The following DENND2A variants were observed in gnomAD, a reference collection of about 807,000 sequenced individuals.
The protein encoded by DENND2A is DENN domain-containing protein 2A.
A neutral mutation model predicts 105.3 loss-of-function variants in DENND2A; 53 were observed. The ratio of observed to expected loss-of-function variants is 0.50; its 90% CI spans 0.40 to 0.63. The LOEUF is 0.63. Among genes scored for constraint, DENND2A ranks in the 30% least tolerant of loss-of-function variants. DENND2A has a pLI of 0.00. For synonymous variants in DENND2A, 522 were observed against 508.4 expected (o/e 1.03, Z -0.36); for missense variants, 1,138 against 1,279.6 (o/e 0.89, Z 1.69).
chr7:140,625,472 G>C (rs1800485742), intron 1 of DENND2A, among the ~76,000 whole-genome samples: 3 of 152,130 alleles, frequency 2.0e-5, no homozygotes, highest in African/African-American at 7.2e-5. Context: ...TTGAGGTCAG[G>C]AGTTTGAGAC....
rs557268334 is a variant in DENND2A, at chr7:140,527,810, TTTATTTA to T, written c.2328-322_2328-316del. 3.4e-3 allele frequency among the ~76,000 whole-genome samples: 478 copies of T among 142,016 alleles called. 4 individuals are homozygous for T. Among genetic ancestry groups the T allele is most frequent in the African/African-American group, 0.014 (446 of 32,618 alleles). 93.2% of individuals were successfully genotyped at this position (142,016 alleles called of 152,430 possible). On this transcript the variant is annotated intron_variant, in intron 14 of 19. Coordinates refer to ENST00000496613, the MANE Select transcript of DENND2A (RefSeq NM_015689.5). The surrounding 1 kb of genome is among the most constrained non-coding windows in gnomAD (Gnocchi z 4.9). The stretch of plus-strand genomic sequence containing the variant: ...TTGTGATCTATACTCTTGTAAGGTT[TTTATTTA>T]TTATTTATTTATTTATTTATATTTT...
intron 9 of DENND2A, among the ~76,000 whole-genome samples, chr7:140,565,867 G>C (rs1421596272): frequency 1.3e-5 from 2 of 152,130 alleles, no homozygotes; most frequent in Non-Finnish European, 2.9e-5. Flanking sequence ...GGTGATGAGA[G>C]TGACCTCTGG....
At chr7:140,583,183 G>A (rs1317346415) in intron 5 of DENND2A, among the ~76,000 whole-genome samples, 1 of 151,854 alleles carries the variant, frequency 6.6e-6, no homozygotes, top group Non-Finnish European at 1.5e-5. Flanking sequence ...TACTCGGGAG[G>A]CTGTAGTCCC....
intron 11 of DENND2A, among the ~76,000 whole-genome samples, chr7:140,556,889 T>A (rs546271863): frequency 6.6e-6 from 1 of 152,264 alleles, no homozygotes; most frequent in Non-Finnish European, 1.5e-5. Flanking sequence ...AAATGACAAT[T>A]CTAAAATGCT....
intron 3 of DENND2A, among the ~76,000 whole-genome samples, chr7:140,593,190 C>T (rs1318727053): frequency 1.3e-5 from 2 of 152,218 alleles, no homozygotes; most frequent in Non-Finnish European, 2.9e-5. Context: ...ATTCATTCCA[C>T]ATCCCGCCTG....
Position 140,602,429 on chromosome 7 carries a change from TC to T in DENND2A, c.-33del. 1 of 1,514,536 alleles carries T rather than the reference TC, an allele frequency of 6.6e-7. No homozygotes were observed. 93.8% of individuals were successfully genotyped at this position (1,514,536 alleles called of 1,614,324 possible). A position where few individuals can be genotyped will look rare whatever the true frequency, so the allele number is the denominator to read the frequency against. On this transcript the variant is annotated 5_prime_UTR_variant, in exon 3 of 20. Transcript: ENST00000496613. ...CTCTAGCGTGAGGTTGTGGAGGCCT[TC>T]CAGGGGACTCCTTCTGAAGCCTGAC...
chr7:140,531,955 A>G (rs1000659519), intron 14 of DENND2A, among the ~76,000 whole-genome samples: 2 of 151,408 alleles, frequency 1.3e-5, no homozygotes, highest in African/African-American at 4.9e-5. Flanking sequence ...GAAGCCAGTG[A>G]TTTGGACTAG....
At chr7:140,592,108 C>T (rs1473784338) in intron 3 of DENND2A, among the ~76,000 whole-genome samples, 23 of 146,470 alleles carry the variant, frequency 1.6e-4, no homozygotes, top group African/African-American at 5.1e-4. Flanking sequence ...GGTGCAATCT[C>T]GGCTCGCTGC....
intron 5 of DENND2A, among the ~76,000 whole-genome samples, chr7:140,584,421 G>A (rs892369742): frequency 1.3e-5 from 2 of 152,120 alleles, no homozygotes; most frequent in Non-Finnish European, 2.9e-5. Flanking sequence ...GAGAGAGTGC[G>A]CATGTCCCAG....
In DENND2A at chr7:140,559,832, G is replaced by T. The variant is rs745393828; in HGVS notation, c.1780-15C>A. 14 of 1,592,870 alleles carry T rather than the reference G, an allele frequency of 8.8e-6. No individual in the cohort carries two copies. Among genetic ancestry groups the T allele is most frequent in the African/African-American group, 1.3e-5 (1 of 74,498 alleles). On this transcript the variant is annotated splice_polypyrimidine_tract_variant and intron_variant, in intron 9 of 19. Transcript: ENST00000496613. The surrounding 1 kb of genome is among the most constrained non-coding windows in gnomAD (Gnocchi z 4.1). ...GACCTTTCCAACTGCAGGGAGAAAG[G>T]TGAGAGAAAATTCGAGAACAAATCT...
chr7:140,567,698 T>C (rs565498740), intron 8 of DENND2A, among the ~76,000 whole-genome samples: 30 of 152,260 alleles, frequency 2.0e-4, no homozygotes, highest in African/African-American at 7.0e-4. Context: ...GTTGGTGTGA[T>C]GTGACAGAAT....
intron 1 of DENND2A, among the ~76,000 whole-genome samples, chr7:140,624,850 T>C (rs1800450204): frequency 6.9e-6 from 1 of 145,606 alleles, no homozygotes; most frequent in Admixed American, 6.7e-5. Context: ...TTTTTCTTTG[T>C]TTTTTTTGTT....
At chr7:140,587,975 A>T (rs544048205) in intron 3 of DENND2A, among the ~76,000 whole-genome samples, 195 bp from the exon 4 acceptor site, 7 of 152,320 alleles carry the variant, frequency 4.6e-5, no homozygotes, top group African/African-American at 1.7e-4. Flanking sequence ...CAGCGGCGCC[A>T]TCTTGGCTCA....
intron 10 of DENND2A, among the ~76,000 whole-genome samples, chr7:140,558,692 T>C (rs562398404): frequency 2.6e-5 from 3 of 116,792 alleles, no homozygotes; most frequent in African/African-American, 1.0e-4. Flanking sequence ...CGAGACTCTA[T>C]CTCAAAAAAA....
chr7:140,538,281 T>C (rs10275801), intron 14 of DENND2A, among the ~76,000 whole-genome samples: 77,548 of 151,922 alleles, frequency 0.51, 21,394 homozygotes, highest in African/African-American at 0.73. Flanking sequence ...GCGAAGGTCC[T>C]CTCTGGGATG....
chr7:140,568,601 C>A (rs1020210776), intron 8 of DENND2A, among the ~76,000 whole-genome samples, 162 bp downstream of exon 8: 1 of 152,170 alleles, frequency 6.6e-6, no homozygotes, highest in Admixed American at 6.5e-5. Flanking sequence ...CATGACGGAC[C>A]GGCTCTGGAG....
At chr7:140,596,276 G>T (rs909285659) in intron 3 of DENND2A, among the ~76,000 whole-genome samples, 13 of 152,158 alleles carry the variant, frequency 8.5e-5, no homozygotes, top group Non-Finnish European at 1.2e-4. Context: ...GAAATAAATG[G>T]CTTTACTAAA....
chr7:140,542,075 T>A (rs1391426200), intron 14 of DENND2A, among the ~76,000 whole-genome samples: 3 of 152,120 alleles, frequency 2.0e-5, no homozygotes, highest in African/African-American at 7.2e-5. Flanking sequence ...TTGGCACTGC[T>A]TCTTTCCAGA....
At chr7:140,548,007 G>A (rs1317600058) in intron 12 of DENND2A, among the ~76,000 whole-genome samples, 1 of 152,178 alleles carries the variant, frequency 6.6e-6, no homozygotes, top group Non-Finnish European at 1.5e-5. Context: ...GTGTTTTGTT[G>A]GGGTGATGAA....
Sources: allele counts gnomAD v4.1 joint callset (sites outside exome capture counted in the v4.1 genomes callset), GRCh38; gene constraint gnomAD v4.1.1; non-coding constraint Gnocchi (gnomAD v3.1); transcripts MANE v1.5; gene names NCBI Gene and HGNC (gene_info 2026-07-23, HGNC 2026-07-21).